CNTLN: variants seen among roughly 807,000 people sequenced by gnomAD.
CNTLN encodes centlein.
Under a neutral mutation model 180.0 loss-of-function variants are expected in CNTLN, and 212 were observed. That is an observed-to-expected ratio of 1.18 (90% CI 1.05 to 1.32). The LOEUF (loss-of-function observed/expected upper bound fraction) is 1.32, where lower values mean the gene tolerates loss of function less well. Ranked by LOEUF, CNTLN falls within the 40% of genes most tolerant of loss-of-function variation. The probability of loss-of-function intolerance (pLI) is 0.00; values close to 1 mark genes in which losing one functional copy is unlikely to be tolerated. For missense variants in CNTLN, 2,095 were observed against 1,610.9 expected, an observed-to-expected ratio of 1.30 and a Z score of -5.14; for synonymous variants, 722 against 563.1, an observed-to-expected ratio of 1.28 and a Z score of -3.99.
chr9:17,475,646 G>A (rs1173289265), intron 23 of CNTLN, among the ~76,000 whole-genome samples: 2 of 152,040 alleles, frequency 1.3e-5, no homozygotes, highest in Non-Finnish European at 2.9e-5. Flanking sequence ...GCCGAGGTGG[G>A]TGGATCACGA....
chr9:17,499,047 G>T (rs115620454), intron 25 of CNTLN, among the ~76,000 whole-genome samples: 1 of 152,086 alleles, frequency 6.6e-6, no homozygotes, highest in Non-Finnish European at 1.5e-5. Context: ...AAAGTAGAAG[G>T]TTTGGCTCTC....
At chr9:17,177,743 G>A (rs143622649) in intron 2 of CNTLN, among the ~76,000 whole-genome samples, 6,189 of 152,168 alleles carry the variant, frequency 0.041, 177 homozygotes, top group South Asian at 0.14. Flanking sequence ...GCAGACCTTC[G>A]CGGTGAGTGT....
rs139682182 is a variant in CNTLN, at chr9:17,399,321, C to T, written c.2615+4252C>T. Among the ~76,000 whole-genome samples the T allele has an allele frequency of 3.6e-3, 544 of 152,104 alleles. 4 individuals are homozygous for T. Among genetic ancestry groups the T allele is most frequent in the African/African-American group, 0.012 (506 of 41,488 alleles). On this transcript the variant is annotated intron_variant, in intron 15 of 25. Coordinates refer to ENST00000380647, the MANE Select transcript of CNTLN (RefSeq NM_017738.4). ...TAGAGGGAAAATCATTTTTTTCCAT[C>T]CCTACAGTCATACTTTCTACTTCTA... is the stretch of plus-strand genomic sequence containing the variant.
intron 18 of CNTLN, among the ~76,000 whole-genome samples, chr9:17,451,113 C>T (rs947986085): frequency 6.6e-6 from 1 of 151,928 alleles, no homozygotes. Flanking sequence ...CAGTTTTATC[C>T]CCTTTAAAAG....
At chr9:17,139,551 A>T (rs1396888246) in intron 1 of CNTLN, among the ~76,000 whole-genome samples, 1 of 151,712 alleles carries the variant, frequency 6.6e-6, no homozygotes, top group African/African-American at 2.4e-5. Flanking sequence ...TCCCAGCTAC[A>T]TGGGAAGCTG....
chr9:17,187,133 T>C (rs1460034601), intron 2 of CNTLN, among the ~76,000 whole-genome samples: 1 of 152,116 alleles, frequency 6.6e-6, no homozygotes, highest in Non-Finnish European at 1.5e-5. Flanking sequence ...ATTAAAAACA[T>C]GTTTGAATTT....
intron 5 of CNTLN, among the ~76,000 whole-genome samples, chr9:17,252,335 C>T (rs1248399570): frequency 1.3e-5 from 2 of 151,598 alleles, no homozygotes; most frequent in Non-Finnish European, 3.0e-5. Context: ...TTAGTTGTTA[C>T]ACTAATTTAC....
intron 12 of CNTLN, among the ~76,000 whole-genome samples, chr9:17,345,258 C>G (rs1401818270): frequency 6.6e-6 from 1 of 152,144 alleles, no homozygotes; most frequent in Non-Finnish European, 1.5e-5. Flanking sequence ...CTTTCATTCT[C>G]TTACCTGTGT....
At chr9:17,247,557 G>A (rs1042515750) in intron 5 of CNTLN, among the ~76,000 whole-genome samples, 1 of 152,170 alleles carries the variant, frequency 6.6e-6, no homozygotes, top group Admixed American at 6.5e-5. Context: ...TCCTTCTTCA[G>A]TGCCTCTTTC....
rs1827447245 is a variant in CNTLN, at chr9:17,266,396, T to C, written c.850-7337T>C. On this transcript the variant is annotated intron_variant, in intron 5 of 25. Transcript: ENST00000380647. ...GTTCTAGTTTGATTGCACTGTGGTC[T>C]GAGAGACAGTTTGTTATAATTTCTG... Among the ~76,000 whole-genome samples, 3 of 152,194 alleles carry C rather than the reference T, an allele frequency of 2.0e-5. No individual in the cohort carries two copies. The South Asian group carries it at 6.2e-4, about 32-fold the overall frequency.
chr9:17,371,343 T>C (rs928510395), intron 13 of CNTLN, among the ~76,000 whole-genome samples: 2 of 152,050 alleles, frequency 1.3e-5, no homozygotes, highest in Non-Finnish European at 2.9e-5. Context: ...TCAGACCAAA[T>C]AGATTTCAAG....
chr9:17,203,063 C>T (rs1236859739), intron 2 of CNTLN, among the ~76,000 whole-genome samples: 1 of 151,700 alleles, frequency 6.6e-6, no homozygotes, highest in Non-Finnish European at 1.5e-5. Context: ...TTTGCCTGGT[C>T]TGGAAAGGAT....
chr9:17,163,643 A>G lies in CNTLN; in HGVS notation c.449+20267A>G, dbSNP rs145572093. Among the ~76,000 whole-genome samples the G allele has an allele frequency of 1.4e-3, 209 of 152,370 alleles. 3 individuals are homozygous for G. Among genetic ancestry groups the G allele is most frequent in the African/African-American group, 4.7e-3 (195 of 41,582 alleles). On this transcript the variant is annotated intron_variant, in intron 2 of 25. Coordinates refer to ENST00000380647, the MANE Select transcript of CNTLN (RefSeq NM_017738.4). ...AAGGCACTGAATAAATGAATGAATA[A>G]CTGAACAAGCAAATGCATGATATTA...
At chr9:17,470,933 T>G (rs1211337101) in intron 23 of CNTLN, among the ~76,000 whole-genome samples, 1 of 152,074 alleles carries the variant, frequency 6.6e-6, no homozygotes, top group Admixed American at 6.6e-5. Flanking sequence ...ATTAGAATTT[T>G]AATTTTACAC....
chr9:17,375,430 GATGGATGCCCC>G (rs1292618037), intron 13 of CNTLN, among the ~76,000 whole-genome samples: 1 of 152,188 alleles, frequency 6.6e-6, no homozygotes, highest in African/African-American at 2.4e-5. Context: ...TGCTTGAGGT[GATGGATGCCCC>G]ATTTACCCTG....
chr9:17,332,829 C>A, intron 10 of CNTLN, 99 bp downstream of exon 10: 1 of 936,420 alleles, frequency 1.1e-6, no homozygotes, highest in Non-Finnish European at 1.5e-6. Flanking sequence ...CTTTTTCTTT[C>A]CTGAATTTAA....
chr9:17,295,225 T>G (rs4424358), intron 6 of CNTLN, among the ~76,000 whole-genome samples: 2 of 151,820 alleles, frequency 1.3e-5, no homozygotes, highest in African/African-American at 4.8e-5. Flanking sequence ...CACACCTCCC[T>G]GCAAGCTGAG....
chr9:17,418,929 ATT>A (rs1267121113), intron 18 of CNTLN, among the ~76,000 whole-genome samples: 1 of 152,020 alleles, frequency 6.6e-6, no homozygotes, highest in African/African-American at 2.4e-5. Context: ...ATTCTTTGGT[ATT>A]TTTTTCCCTG....
Position 17,356,088 on chromosome 9 carries a change from G to A in CNTLN, c.1887-10529G>A, listed in dbSNP as rs552849207. Among the ~76,000 whole-genome samples the A allele has an allele frequency of 7.5e-5, 11 of 146,634 alleles. No individual in the cohort carries two copies. In the East Asian group the frequency reaches 2.2e-3, roughly 29 times the overall value. On this transcript the variant is annotated intron_variant, in intron 12 of 25. Transcript: ENST00000380647. ...CAAAAAAAAAAAAAAAAAAGAAAAA[G>A]GAAATCAGTCCAACAGGAAAAAGCA...
Sources: allele counts gnomAD v4.1 joint callset (sites outside exome capture counted in the v4.1 genomes callset), GRCh38; gene constraint gnomAD v4.1.1; transcripts MANE v1.5; gene names NCBI Gene and HGNC (gene_info 2026-07-23, HGNC 2026-07-21).